BOLL: variants seen among roughly 807,000 people sequenced by gnomAD.
BOLL encodes the protein boule RNA binding protein, also known as protein boule-like.
A neutral mutation model predicts 44.4 loss-of-function variants in BOLL; 23 were observed. The observed-to-expected ratio is 0.52, with a 90% CI of 0.37 to 0.73. BOLL has a LOEUF of 0.73. Ranked by LOEUF, BOLL falls within the 30% of genes least tolerant of loss-of-function variation. BOLL has a pLI of 0.00. For missense variants in BOLL, 287 were observed against 338.3 expected (o/e 0.85, Z 1.19); for synonymous variants, 97 against 110.8 (o/e 0.88, Z 0.78).
At chr2:197,779,502 T>C (rs1371380039) in intron 2 of BOLL, among the ~76,000 whole-genome samples, 1 of 151,872 alleles carries the variant, frequency 6.6e-6, no homozygotes, top group Admixed American at 6.6e-5. Context: ...TCTATTTTAA[T>C]CAGTAGTCTC....
At chr2:197,777,228 A>G (rs1689556309) in intron 3 of BOLL, 115 bp from the exon 4 acceptor site, 1 of 542,504 alleles carries the variant, frequency 1.8e-6, no homozygotes, top group Non-Finnish European at 3.0e-6. Flanking sequence ...AGGAGTAGGC[A>G]TGTTTCTATG....
intron 7 of BOLL, among the ~76,000 whole-genome samples, chr2:197,760,276 C>T (rs1574842718): frequency 6.6e-6 from 1 of 151,988 alleles, no homozygotes; most frequent in African/African-American, 2.4e-5. Context: ...GCCAGGTGAG[C>T]AGTTGTGCAC....
At chr2:197,736,011 C>T (rs1486527297) in intron 10 of BOLL, among the ~76,000 whole-genome samples, 8 of 152,080 alleles carry the variant, frequency 5.3e-5, no homozygotes. Context: ...GACCATCGAA[C>T]TTTTTCTCTG....
At chr2:197,736,691 T>A (rs550415050) in intron 10 of BOLL, among the ~76,000 whole-genome samples, 1 of 152,276 alleles carries the variant, frequency 6.6e-6, no homozygotes, top group East Asian at 1.9e-4. Flanking sequence ...CCAGGATATC[T>A]ATGCATGGGT....
At chr2:197,754,178 C>T (rs533251841) in intron 9 of BOLL, among the ~76,000 whole-genome samples, 1 of 152,106 alleles carries the variant, frequency 6.6e-6, no homozygotes, top group African/African-American at 2.4e-5. Flanking sequence ...GGAGAAATAC[C>T]TAATGTAGAT....
At chr2:197,734,276 C>G (rs982942970) in intron 10 of BOLL, among the ~76,000 whole-genome samples, 1 of 151,820 alleles carries the variant, frequency 6.6e-6, no homozygotes, top group African/African-American at 2.4e-5. Context: ...CCATCTCACA[C>G]CAGTTAGAAT....
chr2:197,740,130 T>G (rs1241801258), intron 10 of BOLL, among the ~76,000 whole-genome samples: 1 of 151,996 alleles, frequency 6.6e-6, no homozygotes, highest in African/African-American at 2.4e-5. Context: ...ATAAAGCCAA[T>G]GAAGGGATGC....
Position 197,727,529 on chromosome 2 carries a change from A to G in BOLL, c.*1026T>C, listed in dbSNP as rs1218327532. ...CCCCTCCCATCTATTTTCCAATTTT[A>G]TAGTAAAAATCGGATTTAGAATCAG... On this transcript the variant is annotated 3_prime_UTR_variant, in exon 11 of 11. Coordinates refer to ENST00000392296, the MANE Select transcript of BOLL (RefSeq NM_033030.6). The G allele has an allele frequency of 6.6e-6, 1 of 152,322 alleles. No homozygotes were observed. The highest frequency in any genetic ancestry group is 1.5e-5 in the Non-Finnish European group (1 of 68,020). 9.4% of individuals were successfully genotyped at this position (152,322 alleles called of 1,614,324 possible). A position where few individuals can be genotyped will look rare whatever the true frequency, so the allele number is the denominator to read the frequency against.
chr2:197,729,331 C>T (rs946035090), intron 10 of BOLL, among the ~76,000 whole-genome samples: 2 of 152,200 alleles, frequency 1.3e-5, no homozygotes, highest in African/African-American at 4.8e-5. Flanking sequence ...CGGAGTCTCG[C>T]TGATTGCTAG....
intron 9 of BOLL, among the ~76,000 whole-genome samples, chr2:197,744,061 G>A (rs1007798342): frequency 1.2e-4 from 19 of 152,202 alleles, no homozygotes; most frequent in African/African-American, 4.1e-4. Context: ...CACCCGCCTC[G>A]GCCTCCCAAA....
intron 9 of BOLL, among the ~76,000 whole-genome samples, chr2:197,754,345 G>A (rs191056679): frequency 8.6e-4 from 131 of 152,084 alleles, no homozygotes; most frequent in African/African-American, 3.0e-3. Flanking sequence ...AACTGGACCC[G>A]TTCCTTACAC....
At chr2:197,728,915 A>C (rs1487444439) in intron 10 of BOLL, among the ~76,000 whole-genome samples, 1 of 152,212 alleles carries the variant, frequency 6.6e-6, no homozygotes, top group Non-Finnish European at 1.5e-5. Context: ...ACTTGTTTTT[A>C]AAAGGGGAAT....
At chr2:197,734,643 G>T (rs1046630639) in intron 10 of BOLL, among the ~76,000 whole-genome samples, 13 of 152,116 alleles carry the variant, frequency 8.5e-5, no homozygotes, top group Non-Finnish European at 1.5e-4. Flanking sequence ...AAAATGATGA[G>T]TTCATGTCCT....
chr2:197,742,457 A>C (rs1036128736), intron 10 of BOLL, among the ~76,000 whole-genome samples: 12 of 152,330 alleles, frequency 7.9e-5, no homozygotes, highest in Admixed American at 3.9e-4. Context: ...AATGTGGCAG[A>C]TATACACCTC....
chr2:197,751,503 A>C (rs1472591626), intron 9 of BOLL, among the ~76,000 whole-genome samples: 1 of 152,184 alleles, frequency 6.6e-6, no homozygotes, highest in African/African-American at 2.4e-5. Flanking sequence ...ACCATCAGAG[A>C]ATACTATAAA....
chr2:197,747,922 C>T (rs1385312190), intron 9 of BOLL, among the ~76,000 whole-genome samples: 3 of 152,110 alleles, frequency 2.0e-5, no homozygotes, highest in African/African-American at 7.2e-5. Context: ...GAAAGGATTC[C>T]TTGTTTAATA....
intron 9 of BOLL, among the ~76,000 whole-genome samples, chr2:197,754,865 A>T (rs1261941776): frequency 6.6e-6 from 1 of 152,336 alleles, no homozygotes; most frequent in South Asian, 2.1e-4. Flanking sequence ...GAAAACATCA[A>T]AAGCAATTGC....
chr2:197,761,166 T>C (rs1318955203), intron 7 of BOLL, among the ~76,000 whole-genome samples: 1 of 151,974 alleles, frequency 6.6e-6, no homozygotes, highest in African/African-American at 2.4e-5. Context: ...TAAAAAAAAT[T>C]AGCAGGCAGG....
chr2:197,731,818 T>G (rs1292885581), intron 10 of BOLL, among the ~76,000 whole-genome samples: 1 of 149,310 alleles, frequency 6.7e-6, no homozygotes, highest in Non-Finnish European at 1.5e-5. Flanking sequence ...CAAAGCAGTG[T>G]GTAGAGAGAA....
Sources: gnomAD v4.1 joint callset for allele counts (sites outside exome capture counted in the v4.1 genomes callset) on GRCh38, gnomAD v4.1.1 for gene constraint, MANE v1.5 for transcripts, NCBI Gene and HGNC (gene_info 2026-07-23, HGNC 2026-07-21) for gene names.